HFM1: variants seen among roughly 807,000 people sequenced by gnomAD.
HFM1 encodes probable ATP-dependent DNA helicase HFM1.
HFM1 carries 169 observed loss-of-function variants against 192.1 expected under a neutral mutation model. That is an observed-to-expected ratio of 0.88 (90% CI 0.78 to 1.00). HFM1 has a LOEUF of 1.00. HFM1 is among the 50% of genes least tolerant of loss of function. HFM1 has a pLI of 0.00. For missense variants in HFM1, 1,661 were observed against 1,668.0 expected (o/e 1.00, Z 0.07); for synonymous variants, 525 against 537.8 (o/e 0.98, Z 0.33).
At chr1:91,388,732 C>A (rs527468303) in intron 4 of HFM1, among the ~76,000 whole-genome samples, 4 of 152,164 alleles carry the variant, frequency 2.6e-5, no homozygotes, top group African/African-American at 7.2e-5. Context: ...CCATAAGCAA[C>A]CAAAGTGACG....
chr1:91,291,068 T>C (rs1230807821), intron 30 of HFM1, among the ~76,000 whole-genome samples: 1 of 151,422 alleles, frequency 6.6e-6, no homozygotes, highest in Admixed American at 6.6e-5. Context: ...AGAGGGAAAT[T>C]TATAGCACTA....
At chr1:91,275,185 A>C (rs1240371615) in intron 32 of HFM1, among the ~76,000 whole-genome samples, 1 of 152,008 alleles carries the variant, frequency 6.6e-6, no homozygotes, top group Non-Finnish European at 1.5e-5. Context: ...GGGTTTCACT[A>C]TGTTGGCCAG....
chr1:91,372,409 TA>T (rs1660347134), intron 13 of HFM1, among the ~76,000 whole-genome samples: 1 of 152,152 alleles, frequency 6.6e-6, no homozygotes, highest in African/African-American at 2.4e-5. Context: ...TATGCAGCCA[TA>T]AAAAATGATG....
At chr1:91,264,924 G>C (rs894650796) in intron 36 of HFM1, among the ~76,000 whole-genome samples, 1 of 151,946 alleles carries the variant, frequency 6.6e-6, no homozygotes, top group Non-Finnish European at 1.5e-5. Flanking sequence ...ATCTACCTAG[G>C]TGCCATTTAT....
At chr1:91,341,512 TC>T (rs1286575727) in intron 20 of HFM1, among the ~76,000 whole-genome samples, 1 of 152,008 alleles carries the variant, frequency 6.6e-6, no homozygotes, top group African/African-American at 2.4e-5. Context: ...CTCACTAATA[TC>T]ACACCTAGAG....
intron 1 of HFM1, 153 bp downstream of exon 1, chr1:91,404,645 A>C (rs954174613): frequency 1.8e-5 from 5 of 275,334 alleles, no homozygotes; most frequent in African/African-American, 1.2e-4. Context: ...ACGCCTGGTG[A>C]CCAACAACTC....
chr1:91,345,399 A>C (rs186951732), intron 19 of HFM1, among the ~76,000 whole-genome samples: 24 of 152,304 alleles, frequency 1.6e-4, no homozygotes, highest in Non-Finnish European at 3.5e-4. Flanking sequence ...TAAGAGATGT[A>C]GTTAGAGAAA....
intron 30 of HFM1, among the ~76,000 whole-genome samples, chr1:91,311,115 G>A (rs964668973): frequency 2.0e-5 from 3 of 152,228 alleles, no homozygotes; most frequent in South Asian, 4.1e-4. Flanking sequence ...TAAGGTCCAG[G>A]TTGAGGTGGT....
intron 4 of HFM1, among the ~76,000 whole-genome samples, chr1:91,391,552 T>C (rs1662995532): frequency 6.6e-6 from 1 of 152,162 alleles, no homozygotes; most frequent in South Asian, 2.1e-4. Context: ...TAGCCATATG[T>C]AGAAAGCTGA....
intron 21 of HFM1, among the ~76,000 whole-genome samples, chr1:91,323,459 C>A (rs1652429804): frequency 6.6e-6 from 1 of 152,100 alleles, no homozygotes; most frequent in Admixed American, 6.6e-5. Flanking sequence ...TAAAGATTAA[C>A]AAGATAGAAT....
chr1:91,324,638 C>G, intron 21 of HFM1, 37 bp downstream of exon 21: 1 of 903,478 alleles, frequency 1.1e-6, no homozygotes, highest in Non-Finnish European at 1.8e-6. Context: ...TTATACTATA[C>G]CACTATGTAT....
chr1:91,352,228 T>C (rs549918985), intron 16 of HFM1, among the ~76,000 whole-genome samples: 1 of 132,472 alleles, frequency 7.5e-6, no homozygotes, highest in Admixed American at 7.7e-5. Flanking sequence ...ATTCAGAATT[T>C]AAAAAAAAAA....
chr1:91,344,927 A>G (rs1364607116), intron 19 of HFM1, among the ~76,000 whole-genome samples: 2 of 151,588 alleles, frequency 1.3e-5, no homozygotes, highest in African/African-American at 4.8e-5. Context: ...TTTTTTTAAA[A>G]ACTTTGTAAA....
In HFM1 at chr1:91,375,459, T is replaced by G; in HGVS notation, c.1597-13A>C. On this transcript the variant is annotated splice_polypyrimidine_tract_variant and intron_variant, in intron 12 of 38. Transcript: ENST00000370425. The stretch of plus-strand genomic sequence containing the variant: ...TTGTTGCACAAAACTGAAAATAAAT[T>G]CATAACGTTTGTATTAATCATGTTA... The G allele has an allele frequency of 6.2e-7, 1 of 1,612,324 alleles. No individual in the cohort carries two copies. The highest frequency in any genetic ancestry group is 1.3e-5 in the African/African-American group (1 of 74,958).
intron 30 of HFM1, among the ~76,000 whole-genome samples, chr1:91,305,492 G>A (rs1336386461): frequency 6.6e-6 from 1 of 151,990 alleles, no homozygotes; most frequent in Non-Finnish European, 1.5e-5. Flanking sequence ...AATTCCAACA[G>A]CATGTCTATA....
chr1:91,296,414 T>C (rs1047417603), intron 30 of HFM1, among the ~76,000 whole-genome samples: 2 of 152,198 alleles, frequency 1.3e-5, no homozygotes, highest in African/African-American at 4.8e-5. Flanking sequence ...ATTCTTATTA[T>C]CTACTGTTTA....
intron 13 of HFM1, among the ~76,000 whole-genome samples, chr1:91,373,633 TAA>T (rs1660531425): frequency 6.6e-6 from 1 of 151,560 alleles, no homozygotes; most frequent in African/African-American, 2.4e-5. Context: ...TCTAGTTGCT[TAA>T]AAGTGTATGG....
At chr1:91,265,987 A>G (rs770390628) in intron 36 of HFM1, 30 bp downstream of exon 36, 2 of 1,585,334 alleles carry the variant, frequency 1.3e-6, no homozygotes, top group Non-Finnish European at 1.7e-6. Context: ...TAAAGTTGCA[A>G]ATATTACAAA....
chr1:91,400,895 G>A (rs377745967), intron 2 of HFM1, 117 bp downstream of exon 2: 11 of 528,988 alleles, frequency 2.1e-5, no homozygotes, highest in African/African-American at 1.8e-4. Flanking sequence ...CTGAAATATC[G>A]TTCTGTTGAT....
Sources: allele counts gnomAD v4.1 joint callset (sites outside exome capture counted in the v4.1 genomes callset), GRCh38; gene constraint gnomAD v4.1.1; transcripts MANE v1.5; gene names NCBI Gene and HGNC (gene_info 2026-07-23, HGNC 2026-07-21).